Variants in RIF1 observed in about 807,000 individuals in gnomAD.
RIF1 encodes the protein replication timing regulatory factor 1.
RIF1 carries 45 observed loss-of-function variants against 247.1 expected under a neutral mutation model. The ratio of observed to expected loss-of-function variants is 0.18; its 90% CI spans 0.14 to 0.23. The LOEUF (loss-of-function observed/expected upper bound fraction) is 0.23, where lower values mean the gene tolerates loss of function less well. Among genes scored for constraint, RIF1 ranks in the 10% least tolerant of loss-of-function variants. RIF1 has a pLI of 1.00. For synonymous variants in RIF1, 1,087 were observed against 978.8 expected, an observed-to-expected ratio of 1.11 and a Z score of -2.06; for missense variants, 2,967 against 2,862.5, an observed-to-expected ratio of 1.04 and a Z score of -0.83.
In RIF1 at chr2:151,426,168, ATTT is replaced by A. The variant is rs35001554; in HGVS notation, c.787-2594_787-2592del. 2.9e-4 allele frequency among the ~76,000 whole-genome samples: 17 copies of A among 58,212 alleles called. No individual in the cohort carries two copies. In the South Asian group the frequency reaches 4.1e-3, roughly 14 times the overall value. The allele number at this position is 58,212 out of a possible 152,430, so 38.2% of individuals were successfully genotyped here. A position where few individuals can be genotyped will look rare whatever the true frequency, so the allele number is the denominator to read the frequency against. On this transcript the variant is annotated intron_variant, in intron 8 of 35. Transcript: ENST00000444746. ...TTTTTCAGGATTGTTTTGGCTTTTAATTTTTTTTTTTTTTTTTTTTTTTTGAGC... is the reference window on the plus strand; with the variant it reads ...TTTTTCAGGATTGTTTTGGCTTTTAATTTTTTTTTTTTTTTTTTTTTGAGC...
In RIF1 at chr2:151,481,394, TAC is replaced by T. The variant is rs1199902819; in HGVS notation, c.*6325_*6326del. The stretch of plus-strand genomic sequence containing the variant: ...CTTTTTCCTACTTAAACTCTCAAAC[TAC>T]AGTTACGTATTTGCCATGATGTTAA... On this transcript the variant is annotated 3_prime_UTR_variant, in exon 36 of 36. Coordinates refer to ENST00000444746, the MANE Select transcript of RIF1 (RefSeq NM_018151.5). 1.3e-5 allele frequency: 2 copies of T among 152,202 alleles called. No individual in the cohort carries two copies. Among genetic ancestry groups the T allele is most frequent in the Non-Finnish European group, 2.9e-5 (2 of 68,034 alleles). 9.4% of individuals were successfully genotyped at this position (152,202 alleles called of 1,614,324 possible).
chr2:151,534,021 T>G, the RIF1 span, among the ~76,000 whole-genome samples: 1 of 152,110 alleles, frequency 6.6e-6, no homozygotes, highest in Admixed American at 6.6e-5. Context: ...ACAGCACAAG[T>G]GAGAACACAG....
Position 151,475,150 on chromosome 2 carries a change from A to T in RIF1, c.*79A>T, listed in dbSNP as rs1183708425. 3.0e-6 allele frequency: 3 copies of T among 992,750 alleles called. No individual in the cohort carries two copies. Among genetic ancestry groups the T allele is most frequent in the Non-Finnish European group, 4.7e-6 (3 of 640,896 alleles). 61.5% of individuals were successfully genotyped at this position (992,750 alleles called of 1,614,324 possible). On this transcript the variant is annotated 3_prime_UTR_variant, in exon 36 of 36. Transcript: ENST00000444746. ...AGGAAACAAGTTCTGAAATAATAGC[A>T]CAATTTCAAAGAAGAGACTCTTTGC... is the stretch of plus-strand genomic sequence containing the variant.
At chr2:151,519,011 G>GGAC in the RIF1 span, 1 of 1,613,704 alleles carries the variant, frequency 6.2e-7, no homozygotes, top group Non-Finnish European at 8.5e-7. Context: ...CATGATCAGA[G>GGAC]ACTCCTTCAT....
At chr2:151,527,385 G>A in the RIF1 span, 4 of 1,044,100 alleles carry the variant, frequency 3.8e-6, no homozygotes, top group East Asian at 2.6e-5. Flanking sequence ...ACGAGCAAGG[G>A]TTAACACTCA....
At chr2:151,445,974 T>TA (rs1259225222) in intron 19 of RIF1, among the ~76,000 whole-genome samples, 2 of 152,214 alleles carry the variant, frequency 1.3e-5, no homozygotes, top group Non-Finnish European at 2.9e-5. Flanking sequence ...CAGTTAGACC[T>TA]CTGGGATGTG....
chr2:151,531,700 G>A, the RIF1 span: 3 of 943,762 alleles, frequency 3.2e-6, no homozygotes, highest in Non-Finnish European at 1.7e-6. Flanking sequence ...AATGGCAGTA[G>A]TCTCCCAGAC....
At chr2:151,460,985 G>A (rs967336769) in intron 26 of RIF1, among the ~76,000 whole-genome samples, 153 bp from the exon 27 acceptor site, 57 of 152,184 alleles carry the variant, frequency 3.7e-4, no homozygotes, top group Non-Finnish European at 6.5e-4. Flanking sequence ...AGAAAGTGGG[G>A]AACATTGTAC....
At chr2:151,466,842 A>G (rs1696982455) in intron 30 of RIF1, among the ~76,000 whole-genome samples, 1 of 152,260 alleles carries the variant, frequency 6.6e-6, no homozygotes, top group Non-Finnish European at 1.5e-5. Context: ...TGAACCTGCT[A>G]TTCATTGTAG....
intron 34 of RIF1, among the ~76,000 whole-genome samples, chr2:151,473,575 C>T (rs1399275419): frequency 6.6e-6 from 1 of 152,058 alleles, no homozygotes; most frequent in Non-Finnish European, 1.5e-5. Context: ...CCACTGCTCC[C>T]AGCCAGAAAA....
rs371120954 is a variant in RIF1 at position 151,436,967 on chromosome 2, A to G, written c.1336A>G (p.Ser446Gly). Residue 446 changes from serine to glycine, a missense_variant, in exon 12 of 36, where the codon AGT (serine) becomes GGT (glycine). Transcript: ENST00000444746. ...TTTCTTGTTGGGTCCAGAAGCCTTGAGTTTTGCTAAGCAAAATAAACTTGT... is the reference window on the plus strand; with the variant it reads ...TTTCTTGTTGGGTCCAGAAGCCTTGGGTTTTGCTAAGCAAAATAAACTTGT... Reference protein sequence around the residue: ...LHFLLGPEALSFAKQNKLVLS... With the variant: ...LHFLLGPEALGFAKQNKLVLS... 1 of 1,613,100 alleles carries G rather than the reference A, an allele frequency of 6.2e-7. No homozygotes were observed. The highest frequency in any genetic ancestry group is 8.5e-7 in the Non-Finnish European group (1 of 1,179,804).
chr2:151,502,743 T>C, intron 11 of RIF1: 1 of 1,019,488 alleles, frequency 9.8e-7, no homozygotes, highest in Non-Finnish European at 1.5e-6. Flanking sequence ...GGTGTTATTA[T>C]TTTAAATAAA....
intron 9 of RIF1, chr2:151,492,397 T>G: frequency 6.2e-7 from 1 of 1,603,368 alleles, no homozygotes; most frequent in Non-Finnish European, 8.5e-7. Flanking sequence ...CGTTGAGATG[T>G]GCCGTTGGGT....
intron 18 of RIF1, among the ~76,000 whole-genome samples, chr2:151,444,547 C>T (rs1394550754): frequency 6.6e-6 from 1 of 152,202 alleles, no homozygotes; most frequent in Non-Finnish European, 1.5e-5. Flanking sequence ...TGACCTTAGC[C>T]TCAGCCTCCC....
the RIF1 span, among the ~76,000 whole-genome samples, chr2:151,517,835 G>T: frequency 6.6e-6 from 1 of 152,174 alleles, no homozygotes; most frequent in Non-Finnish European, 1.5e-5. Context: ...ATAATCTTAT[G>T]GGACCACTGT....
chr2:151,473,837 A>G, intron 34 of RIF1, 127 bp from the exon 35 acceptor site: 1 of 658,526 alleles, frequency 1.5e-6, no homozygotes, highest in Non-Finnish European at 2.7e-6. Flanking sequence ...CTTAATTGTG[A>G]TGGGTGGTAG....
At chr2:151,504,603 A>G (rs182860337) in intron 12 of RIF1, among the ~76,000 whole-genome samples, 1 of 152,334 alleles carries the variant, frequency 6.6e-6, no homozygotes, top group African/African-American at 2.4e-5. Flanking sequence ...AAATCAAATG[A>G]GAGTTCAGTC....
the RIF1 span, chr2:151,519,810 A>G: frequency 3.7e-6 from 5 of 1,344,304 alleles, no homozygotes; most frequent in Middle Eastern, 1.8e-4. Flanking sequence ...CTGGACATCA[A>G]TCAATTTGGG....
At chr2:151,468,796 G>A (rs1697351980) in intron 33 of RIF1, 40 bp downstream of exon 33, 4 of 1,381,760 alleles carry the variant, frequency 2.9e-6, no homozygotes, top group Non-Finnish European at 4.1e-6. Flanking sequence ...ATTCCAAGAT[G>A]CCACTTATTT....
Sources: allele counts gnomAD v4.1 joint callset (sites outside exome capture counted in the v4.1 genomes callset), GRCh38; gene constraint gnomAD v4.1.1; transcripts MANE v1.5; gene names NCBI Gene and HGNC (gene_info 2026-07-23, HGNC 2026-07-21).